The following DNM3 variants were observed in gnomAD, a reference collection of about 807,000 sequenced individuals.
The protein encoded by DNM3 is dynamin-3.
In DNM3, 47 loss-of-function variants were observed where a neutral mutation model predicts 101.6. The observed-to-expected ratio is 0.46, with a 90% CI of 0.37 to 0.59. The LOEUF (loss-of-function observed/expected upper bound fraction) is 0.59. Ranked by LOEUF, DNM3 falls within the 20% of genes least tolerant of loss-of-function variation. The pLI is 0.00. For missense variants in DNM3, 849 were observed against 1,085.7 expected (o/e 0.78, Z 3.06); for synonymous variants, 385 against 387.9 (o/e 0.99, Z 0.09).
chr1:171,984,728 T>C (rs1558374019), intron 2 of DNM3, among the ~76,000 whole-genome samples: 1 of 152,128 alleles, frequency 6.6e-6, no homozygotes, highest in Non-Finnish European at 1.5e-5. Context: ...AGACTTATTT[T>C]CCCCCCTTAA....
chr1:172,003,625 C>A (rs1436950984), intron 4 of DNM3, among the ~76,000 whole-genome samples: 1 of 151,690 alleles, frequency 6.6e-6, no homozygotes, highest in Non-Finnish European at 1.5e-5. Flanking sequence ...CTGCCAGGTA[C>A]CTTGAATACA....
intron 16 of DNM3, among the ~76,000 whole-genome samples, chr1:172,317,714 C>A (rs916714141): frequency 6.6e-6 from 1 of 152,180 alleles, no homozygotes; most frequent in African/African-American, 2.4e-5. Flanking sequence ...CTGAATAGAC[C>A]AGTAACAGGC....
At chr1:172,232,420 C>A (rs1229849186) in intron 14 of DNM3, among the ~76,000 whole-genome samples, 1 of 152,146 alleles carries the variant, frequency 6.6e-6, no homozygotes, top group Non-Finnish European at 1.5e-5. Context: ...GAGAATTAGA[C>A]TCCCATACAA....
At position 172,378,969 on chromosome 1, in the gene DNM3, C is replaced by A. The variant is rs772721048; in HGVS notation, c.1894-49C>A. The A allele has an allele frequency of 3.2e-6, 5 of 1,567,046 alleles. No homozygotes were observed. The Admixed American group carries it at 9.4e-5, about 29-fold the overall frequency. On this transcript the variant is annotated intron_variant, in intron 17 of 20. Coordinates refer to ENST00000627582, the MANE Select transcript of DNM3 (RefSeq NM_015569.5). ...CTGATAACGACTGACATTTTATTTTCTTCTGAGTGAATATGAGATAATCCA... is the reference window on the plus strand; with the variant it reads ...CTGATAACGACTGACATTTTATTTTATTCTGAGTGAATATGAGATAATCCA...
intron 14 of DNM3, among the ~76,000 whole-genome samples, chr1:172,134,186 C>G (rs1411734174): frequency 2.6e-5 from 4 of 152,092 alleles, no homozygotes; most frequent in Non-Finnish European, 5.9e-5. Context: ...TTCAAGGTAG[C>G]AAAATTATGG....
At chr1:172,039,433 A>G (rs1032052088) in intron 7 of DNM3, among the ~76,000 whole-genome samples, 11 of 152,030 alleles carry the variant, frequency 7.2e-5, no homozygotes, top group Non-Finnish European at 1.6e-4. Context: ...ATATTTCCTC[A>G]TTAAAAATAT....
chr1:172,314,394 T>C (rs1015138497), intron 16 of DNM3, among the ~76,000 whole-genome samples: 9 of 152,094 alleles, frequency 5.9e-5, no homozygotes, highest in Non-Finnish European at 1.0e-4. Context: ...TGCAGGTCAG[T>C]GGGTGCAGCA....
intron 14 of DNM3, among the ~76,000 whole-genome samples, chr1:172,194,076 G>A (rs1388417500): frequency 6.6e-6 from 1 of 152,088 alleles, no homozygotes; most frequent in Non-Finnish European, 1.5e-5. Flanking sequence ...GTTCTCATTG[G>A]TTTCAAAGAA....
intron 2 of DNM3, among the ~76,000 whole-genome samples, chr1:171,928,391 A>T (rs2040746236): frequency 6.6e-6 from 1 of 152,000 alleles, no homozygotes; most frequent in Non-Finnish European, 1.5e-5. Flanking sequence ...AAGGGACCTT[A>T]GTAGTGATTG....
At chr1:172,042,168 T>A (rs775194904) in intron 8 of DNM3, 24 bp downstream of exon 8, 1 of 1,573,074 alleles carries the variant, frequency 6.4e-7, no homozygotes, top group Admixed American at 2.0e-5. Flanking sequence ...GTTATTTTTT[T>A]CTTAGTTTCA....
chr1:172,034,952 GAAC>G (rs1436023045), intron 6 of DNM3, among the ~76,000 whole-genome samples: 1 of 152,008 alleles, frequency 6.6e-6, no homozygotes, highest in South Asian at 2.1e-4. Context: ...CTGAGTAGAG[GAAC>G]AACAAGATCA....
chr1:172,363,589 A>G (rs975791230), intron 17 of DNM3, among the ~76,000 whole-genome samples: 2 of 151,832 alleles, frequency 1.3e-5, no homozygotes, highest in African/African-American at 2.4e-5. Flanking sequence ...ACTAAAGACA[A>G]TAATTGATCT....
intron 17 of DNM3, among the ~76,000 whole-genome samples, chr1:172,358,391 G>A (rs770707371): frequency 6.6e-6 from 1 of 152,062 alleles, no homozygotes; most frequent in African/African-American, 2.4e-5. Context: ...AAAGAAGAGC[G>A]GGTTATTTTG....
chr1:172,155,208 C>T (rs1202975219), intron 14 of DNM3, among the ~76,000 whole-genome samples: 1 of 151,172 alleles, frequency 6.6e-6, no homozygotes, highest in African/African-American at 2.4e-5. Flanking sequence ...TGTGATTTTC[C>T]TTTAATAAAC....
chr1:172,086,522 A>G (rs542830574), intron 12 of DNM3, among the ~76,000 whole-genome samples: 18 of 151,816 alleles, frequency 1.2e-4, no homozygotes, highest in African/African-American at 4.1e-4. Context: ...GTATGTGGCT[A>G]TTGAGCAGTT....
At chr1:172,358,341 A>G (rs1027426660) in intron 17 of DNM3, among the ~76,000 whole-genome samples, 14 of 152,096 alleles carry the variant, frequency 9.2e-5, no homozygotes, top group African/African-American at 3.1e-4. Flanking sequence ...TAAAAGAAAT[A>G]ATTATTCCTG....
chr1:171,917,022 C>T (rs2039767738), intron 1 of DNM3, among the ~76,000 whole-genome samples: 2 of 152,174 alleles, frequency 1.3e-5, no homozygotes, highest in South Asian at 4.1e-4. Context: ...TGATACTCTA[C>T]CTTGGGTGGA....
chr1:172,169,013 C>A (rs913010756), intron 14 of DNM3, among the ~76,000 whole-genome samples: 1 of 151,914 alleles, frequency 6.6e-6, no homozygotes. Flanking sequence ...AATTATAAGT[C>A]AGGGATGGTG....
chr1:171,979,223 A>G (rs2044602113), intron 2 of DNM3, among the ~76,000 whole-genome samples: 1 of 152,174 alleles, frequency 6.6e-6, no homozygotes, highest in East Asian at 1.9e-4. Flanking sequence ...GAATAATTAT[A>G]ATAATTATAT....
Sources: gnomAD v4.1 joint callset for allele counts (sites outside exome capture counted in the v4.1 genomes callset) on GRCh38, gnomAD v4.1.1 for gene constraint, MANE v1.5 for transcripts, NCBI Gene and HGNC (gene_info 2026-07-23, HGNC 2026-07-21) for gene names.